SFI1: variants seen among roughly 807,000 people sequenced by gnomAD.
SFI1 encodes the protein SFI1 centrin binding protein.
In SFI1, 195 loss-of-function variants were observed where a neutral mutation model predicts 207.5. That is an observed-to-expected ratio of 0.94 (90% CI 0.84 to 1.06). The LOEUF (loss-of-function observed/expected upper bound fraction) is 1.06. Among genes scored for constraint, SFI1 ranks in the 50% least tolerant of loss-of-function variants. The probability of loss-of-function intolerance (pLI) is 0.00; values close to 1 mark genes in which losing one functional copy is unlikely to be tolerated. For missense variants in SFI1, 1,634 were observed against 1,588.0 expected (o/e 1.03, Z -0.49); for synonymous variants, 630 against 598.9 (o/e 1.05, Z -0.76).
At chr22:31,589,179 A>G (rs914483651) in intron 14 of SFI1, among the ~76,000 whole-genome samples, 1 of 144,292 alleles carries the variant, frequency 6.9e-6, no homozygotes, top group Admixed American at 7.1e-5. Flanking sequence ...CAGGGGGAAG[A>G]GAGAGTGAGT....
chr22:31,530,053 G>C (rs1043031300), intron 3 of SFI1, among the ~76,000 whole-genome samples: 2 of 150,250 alleles, frequency 1.3e-5, no homozygotes, highest in Non-Finnish European at 3.0e-5. Flanking sequence ...GCCTGTAGTC[G>C]CAGATACTCT....
chr22:31,522,160 C>T (rs1209696725), intron 2 of SFI1, among the ~76,000 whole-genome samples: 2 of 148,684 alleles, frequency 1.3e-5, no homozygotes, highest in African/African-American at 2.5e-5. Context: ...CTCCACCTCA[C>T]GGGTTCAAGC....
chr22:31,517,150 A>T (rs1488434871), intron 2 of SFI1, among the ~76,000 whole-genome samples: 1 of 152,002 alleles, frequency 6.6e-6, no homozygotes, highest in Non-Finnish European at 1.5e-5. Flanking sequence ...AAAAGAAAAA[A>T]AAATTTAACT....
At chr22:31,617,842 G>A (rs903766762) in intron 31 of SFI1, among the ~76,000 whole-genome samples, 2 of 152,154 alleles carry the variant, frequency 1.3e-5, no homozygotes, top group Admixed American at 6.5e-5. Context: ...CCTCATCCTT[G>A]GCTCTGCACA....
At chr22:31,615,300 CCTGGGCA>C in intron 29 of SFI1, 21 bp downstream of exon 29, 2 of 1,460,942 alleles carry the variant, frequency 1.4e-6, no homozygotes, top group South Asian at 2.9e-5. Context: ...CACCACCAGG[CCTGGGCA>C]CTGGGGCTCT....
rs537577888 is a variant in SFI1 at position 31,549,344 on chromosome 22, A to ATT, written c.450-898_450-897dup. On this transcript the variant is annotated intron_variant, in intron 5 of 32. Transcript: ENST00000400288. ...AAGATTGTCATTCCAAACATCATGG[A>ATT]TTTTTTTTTTTTTAATTGAATTTGA... Among the ~76,000 whole-genome samples the ATT allele has an allele frequency of 3.1e-5, 4 of 127,592 alleles. No homozygotes were observed. In the South Asian group the frequency reaches 8.1e-4, roughly 26 times the overall value. 83.7% of individuals were successfully genotyped at this position (127,592 alleles called of 152,430 possible). A position where few individuals can be genotyped will look rare whatever the true frequency, so the allele number is the denominator to read the frequency against.
At chr22:31,569,122 T>C (rs1316405353) in intron 8 of SFI1, among the ~76,000 whole-genome samples, 4 of 152,188 alleles carry the variant, frequency 2.6e-5, no homozygotes, top group Non-Finnish European at 5.9e-5. Flanking sequence ...GCCTTCTTTA[T>C]AGAAGAATTC....
Position 31,613,406 on chromosome 22 carries a change from G to A in SFI1, c.2618G>A (p.Arg873Gln), listed in dbSNP as rs749047652. The A allele has an allele frequency of 6.6e-5, 106 of 1,610,826 alleles. No individual in the cohort carries two copies. The highest frequency in any genetic ancestry group is 1.8e-4 in the Admixed American group (11 of 60,006). Residue 873 changes from arginine to glutamine, a missense_variant, in exon 26 of 33, where the codon CGG becomes CAG. Physicochemically the swap from Arg to Gln is conservative, Grantham distance 43. Transcript: ENST00000400288. ...FVLERRRKKA[R>Q]LQWALQAYQG... ...CTGGAAAGGAGGAGAAAGAAGGCGC[G>A]GCTGCAGTGGGCGCTCCAGGCCTAC...
At chr22:31,544,881 C>A (rs1253622089) in intron 4 of SFI1, among the ~76,000 whole-genome samples, 1 of 152,090 alleles carries the variant, frequency 6.6e-6, no homozygotes, top group East Asian at 1.9e-4. Context: ...CCAAATATAT[C>A]TATTTTCCCT....
In SFI1 at chr22:31,617,033, TC is replaced by T; in HGVS notation, c.3469del (p.Gln1157SerfsTer30). On this transcript the variant is annotated frameshift_variant, in exon 31 of 33. Coordinates refer to ENST00000400288, the MANE Select transcript of SFI1 (RefSeq NM_001007467.3). LOFTEE classifies it high-confidence loss of function. ...SLDLEAELEE[I>X]QQQLLHYQTT... ...GACCTTGAGGCTGAACTTGAGGAGA[TC>T]CAGCAGCAACTACTGCACTACCAGA... 6.2e-7 allele frequency: 1 copy of T among 1,614,002 alleles called. No homozygotes were observed. Among genetic ancestry groups the T allele is most frequent in the East Asian group, 2.2e-5 (1 of 44,862 alleles).
chr22:31,553,841 T>G (rs2033598419), intron 6 of SFI1, among the ~76,000 whole-genome samples: 1 of 62,732 alleles, frequency 1.6e-5, no homozygotes. Flanking sequence ...GGATTATGTT[T>G]TTTTTTTTTT....
intron 2 of SFI1, among the ~76,000 whole-genome samples, chr22:31,511,895 G>C (rs1024123530): frequency 6.6e-6 from 1 of 151,960 alleles, no homozygotes; most frequent in Non-Finnish European, 1.5e-5. Context: ...CAAGTGATCC[G>C]CCTGTCTTGG....
At chr22:31,612,934 C>T (rs2070629528) in intron 24 of SFI1, 2 of 572,922 alleles carry the variant, frequency 3.5e-6, no homozygotes, top group Non-Finnish European at 6.2e-6. Context: ...CCTTTGCCAC[C>T]TTCTTTCATG....
intron 2 of SFI1, among the ~76,000 whole-genome samples, chr22:31,509,431 A>G (rs1428493521): frequency 6.6e-6 from 1 of 152,236 alleles, no homozygotes; most frequent in East Asian, 1.9e-4. Context: ...CAAGAATCCA[A>G]CAGCCAAAGA....
At chr22:31,598,789 CT>C (rs1203871840) in intron 15 of SFI1, among the ~76,000 whole-genome samples, 1,726 of 64,332 alleles carry the variant, frequency 0.027, 23 homozygotes, top group East Asian at 0.14. Flanking sequence ...TCCAGTTTAT[CT>C]TTTTTTTTTT....
At chr22:31,517,115 CAG>C (rs1450601820) in intron 2 of SFI1, among the ~76,000 whole-genome samples, 5 of 151,318 alleles carry the variant, frequency 3.3e-5, no homozygotes, top group Middle Eastern at 3.2e-3. Flanking sequence ...GCCTGGGTGA[CAG>C]AGTGAGACTC....
chr22:31,616,512 CG>C (rs1455156588), intron 29 of SFI1: 3 of 446,544 alleles, frequency 6.7e-6, no homozygotes, highest in Non-Finnish European at 7.9e-6. Context: ...TGTGGTGACA[CG>C]GGGTGCTCCC....
chr22:31,575,464 A>T (rs1313594817), intron 10 of SFI1, 72 bp downstream of exon 10: 2 of 1,426,176 alleles, frequency 1.4e-6, no homozygotes, highest in Non-Finnish European at 1.9e-6. Context: ...ATGTGAAACG[A>T]AAGTCATGAG....
chr22:31,591,606 C>T (rs1252955754), intron 15 of SFI1, among the ~76,000 whole-genome samples: 1 of 127,868 alleles, frequency 7.8e-6, no homozygotes. Context: ...GGCTGACCCC[C>T]CCCACCTCCC....
Sources: gnomAD v4.1 joint callset for allele counts (sites outside exome capture counted in the v4.1 genomes callset) on GRCh38, gnomAD v4.1.1 for gene constraint, MANE v1.5 for transcripts, NCBI Gene and HGNC (gene_info 2026-07-23, HGNC 2026-07-21) for gene names.